The following SH3TC2 variants were observed in gnomAD, a reference collection of about 807,000 sequenced individuals.
The protein encoded by SH3TC2 is SH3 domain and tetratricopeptide repeats 2, also known as SH3 domain and tetratricopeptide repeat-containing protein 2.
SH3TC2 carries 87 observed loss-of-function variants against 124.5 expected under a neutral mutation model. That is an observed-to-expected ratio of 0.70 (90% CI 0.59 to 0.84). SH3TC2 has a LOEUF of 0.84. Among genes scored for constraint, SH3TC2 ranks in the 40% least tolerant of loss-of-function variants. The pLI, the probability that SH3TC2 is intolerant of heterozygous loss-of-function variation, is 0.00. For missense variants in SH3TC2, 1,536 were observed against 1,566.4 expected (o/e 0.98, Z 0.33); for synonymous variants, 634 against 628.5 (o/e 1.01, Z -0.13).
rs886060170 is a variant in SH3TC2, at chr5:148,999,406, G to T, written c.*5305C>A. ...AAGAAACAGATTCTAACCTAAGTAT[G>T]CCCAACTCCAAAACACATTACATTG... On this transcript the variant is annotated 3_prime_UTR_variant, in exon 17 of 17. Coordinates refer to ENST00000515425, the MANE Select transcript of SH3TC2 (RefSeq NM_024577.4). Among the ~76,000 whole-genome samples the T allele has an allele frequency of 2.0e-5, 3 of 152,196 alleles. No individual in the cohort carries two copies. Among genetic ancestry groups the T allele is most frequent in the African/African-American group, 7.2e-5 (3 of 41,450 alleles).
rs1200054855 is a variant in SH3TC2, at chr5:148,988,689, G to C, written c.*16022C>G. 6.6e-6 allele frequency among the ~76,000 whole-genome samples: 1 copy of C among 152,178 alleles called. No homozygotes were observed. Among genetic ancestry groups the C allele is most frequent in the Non-Finnish European group, 1.5e-5 (1 of 68,026 alleles). On this transcript the variant is annotated 3_prime_UTR_variant, in exon 17 of 17. Coordinates refer to ENST00000515425, the MANE Select transcript of SH3TC2 (RefSeq NM_024577.4). The stretch of plus-strand genomic sequence containing the variant: ...CCCAGAGGAGCCTTTGATGACTCCA[G>C]CTCTGGCCACTATTGGACTGCAACA...
chr5:149,012,606 TC>T lies in SH3TC2; in HGVS notation c.3181del (p.Glu1061SerfsTer15). On this transcript the variant is annotated frameshift_variant, in exon 13 of 17. Transcript: ENST00000515425. LOFTEE classifies it high-confidence loss of function. Reference sequence around the variant, plus strand: ...TACCTGCAGGCACAGCTCCACCAGCTCGTCTTCCTGCATGAGGTAGTGGAGT... The same window carrying T: ...TACCTGCAGGCACAGCTCCACCAGCTGTCTTCCTGCATGAGGTAGTGGAGT... ...GRLHYLMQED[E>X]LVELCLQAAI... 6.2e-7 allele frequency: 1 copy of T among 1,614,090 alleles called. No individual in the cohort carries two copies. Among genetic ancestry groups the T allele is most frequent in the Non-Finnish European group, 8.5e-7 (1 of 1,180,004 alleles).
chr5:149,012,444 A>G (rs1399271879), intron 13 of SH3TC2, 140 bp downstream of exon 13: 1 of 1,100,950 alleles, frequency 9.1e-7, no homozygotes, highest in African/African-American at 1.5e-5. Context: ...TTCAGGGAGC[A>G]GCCCAGTGTT....
In SH3TC2 at chr5:149,028,685, T is replaced by C. The variant is rs1172369490; in HGVS notation, c.1169A>G (p.Asp390Gly). 5 of 1,613,994 alleles carry C rather than the reference T, an allele frequency of 3.1e-6. No individual in the cohort carries two copies. Among genetic ancestry groups the C allele is most frequent in the Non-Finnish European group, 4.2e-6 (5 of 1,180,026 alleles). Residue 390 changes from aspartate to glycine, a missense_variant, in exon 10 of 17, where the codon GAT becomes GGT. By Grantham distance (94) the Asp-to-Gly change is moderately conservative. Coordinates refer to ENST00000515425, the MANE Select transcript of SH3TC2 (RefSeq NM_024577.4). ...GFESIQNPPN[D>G]LSASQPEGFK... Reference sequence around the variant, plus strand: ...GCATGATCGCTACTCACCACTCAGATCATTTGGAGGATTCTGGATGGATTC... The same window carrying C: ...GCATGATCGCTACTCACCACTCAGACCATTTGGAGGATTCTGGATGGATTC...
In SH3TC2 at chr5:149,004,882, C is replaced by T. The variant is rs768501036; in HGVS notation, c.3696G>A (p.Glu1232=). The T allele has an allele frequency of 2.5e-6, 4 of 1,614,226 alleles. No homozygotes were observed. The highest frequency in any genetic ancestry group is 3.4e-6 in the Non-Finnish European group (4 of 1,180,036). The change falls in exon 17 of 17, where the codon GAG becomes GAA. Residue 1232 remains glutamate (E), a synonymous_variant. Transcript: ENST00000515425. Reference sequence around the variant, plus strand: ...CTGCTGCCAGGGCCAGAAGGAAGTACTCAGTGGCATCATGGGCATCCTAAC... The same window carrying T: ...CTGCTGCCAGGGCCAGAAGGAAGTATTCAGTGGCATCATGGGCATCCTAAC... ...CQLKDAHDAT[E]YFLLALAAAV... is the part of the protein sequence containing the mutation.
intron 2 of SH3TC2, among the ~76,000 whole-genome samples, chr5:149,051,112 T>C (rs1018693702): frequency 2.0e-5 from 3 of 152,238 alleles, no homozygotes; most frequent in Non-Finnish European, 2.9e-5. Context: ...TCTACAGGTT[T>C]GTCCTCAGAG....
rs78516040 is a variant in SH3TC2 at position 148,991,197 on chromosome 5, T to C, written c.*13514A>G. On this transcript the variant is annotated 3_prime_UTR_variant, in exon 17 of 17. Coordinates refer to ENST00000515425, the MANE Select transcript of SH3TC2 (RefSeq NM_024577.4). ...GAAATTAACATATGTAGAGGACTTT[T>C]TCTTCTCTATACAAAAGCTTTTACC... Among the ~76,000 whole-genome samples, 683 of 152,316 alleles carry C rather than the reference T, an allele frequency of 4.5e-3. 6 individuals carry two copies. Among genetic ancestry groups the C allele is most frequent in the African/African-American group, 0.016 (667 of 41,546 alleles).
Position 149,031,551 on chromosome 5 carries a change from C to T in SH3TC2, c.1135+3G>A, listed in dbSNP as rs1064793267. On this transcript the variant is annotated splice_donor_region_variant and intron_variant, in intron 9 of 16. Coordinates refer to ENST00000515425, the MANE Select transcript of SH3TC2 (RefSeq NM_024577.4). The stretch of plus-strand genomic sequence containing the variant: ...TTGAAGGTGTCTGAGGACCAACACT[C>T]ACTGAGCCGGTAGACAGATGTGATG... The T allele has an allele frequency of 6.2e-7, 1 of 1,614,134 alleles. No individual in the cohort carries two copies. Among genetic ancestry groups the T allele is most frequent in the Non-Finnish European group, 8.5e-7 (1 of 1,180,026 alleles).
rs1025506683 is a variant in SH3TC2 at position 148,991,942 on chromosome 5, C to T, written c.*12769G>A. ...CTTTCCTGGTGTCTAAGGGGAGTGT[C>T]AGAGAGCAACCCTAACATGTGTTGG... On this transcript the variant is annotated 3_prime_UTR_variant, in exon 17 of 17. Transcript: ENST00000515425. 6.6e-6 allele frequency among the ~76,000 whole-genome samples: 1 copy of T among 152,194 alleles called. No homozygotes were observed. Among genetic ancestry groups the T allele is most frequent in the Non-Finnish European group, 1.5e-5 (1 of 68,038 alleles).
In SH3TC2 at chr5:149,028,684, A is replaced by G; in HGVS notation, c.1170T>C (p.Asp390=). 1 of 1,614,168 alleles carries G rather than the reference A, an allele frequency of 6.2e-7. No homozygotes were observed. Among genetic ancestry groups the G allele is most frequent in the South Asian group, 1.1e-5 (1 of 91,084 alleles). Residue 390 remains aspartate (D), a synonymous_variant, in exon 10 of 17, where the codon GAT becomes GAC. Coordinates refer to ENST00000515425, the MANE Select transcript of SH3TC2 (RefSeq NM_024577.4). ...GFESIQNPPN[D]LSASQPEGFK... is the part of the protein sequence containing the mutation. ...AGCATGATCGCTACTCACCACTCAGATCATTTGGAGGATTCTGGATGGATT... is the reference window on the plus strand; with the variant it reads ...AGCATGATCGCTACTCACCACTCAGGTCATTTGGAGGATTCTGGATGGATT...
At position 148,998,662 on chromosome 5, in the gene SH3TC2, C is replaced by G. The variant is rs1457897973; in HGVS notation, c.*6049G>C. Reference sequence around the variant, plus strand: ...GCCCCACTGTGCAGTCCTGGCCACGCAAGTTATTCTTGATCCTGCACCATG... The same window carrying G: ...GCCCCACTGTGCAGTCCTGGCCACGGAAGTTATTCTTGATCCTGCACCATG... On this transcript the variant is annotated 3_prime_UTR_variant, in exon 17 of 17. Transcript: ENST00000515425. 6.6e-6 allele frequency among the ~76,000 whole-genome samples: 1 copy of G among 152,194 alleles called. No individual in the cohort carries two copies. The highest frequency in any genetic ancestry group is 1.5e-5 in the Non-Finnish European group (1 of 68,032).
chr5:149,003,756 C>G lies in SH3TC2; in HGVS notation c.*955G>C. The G allele has an allele frequency of 2.2e-6, 1 of 447,478 alleles. No individual in the cohort carries two copies. The highest frequency in any genetic ancestry group is 4.5e-6 in the Non-Finnish European group (1 of 224,174). 27.7% of individuals were successfully genotyped at this position (447,478 alleles called of 1,614,324 possible). A position where few individuals can be genotyped will look rare whatever the true frequency, so the allele number is the denominator to read the frequency against. On this transcript the variant is annotated 3_prime_UTR_variant, in exon 17 of 17. Transcript: ENST00000515425. ...GTTCCAGCTACTCAGGAGGTTGACA[C>G]TGGAGGATCACTTGAGCCCCGGAGT...
In SH3TC2 at chr5:148,983,972, A is replaced by G. The variant is rs888494103; in HGVS notation, c.*20739T>C. On this transcript the variant is annotated 3_prime_UTR_variant, in exon 17 of 17. Coordinates refer to ENST00000515425, the MANE Select transcript of SH3TC2 (RefSeq NM_024577.4). ...GTGTGGTTTTTAAGTCACTTGAACC[A>G]ATACATTTTTTTAAAATTACTTAAG... Among the ~76,000 whole-genome samples, 3 of 152,168 alleles carry G rather than the reference A, an allele frequency of 2.0e-5. No homozygotes were observed. Among genetic ancestry groups the G allele is most frequent in the Admixed American group, 2.0e-4 (3 of 15,268 alleles).
At chr5:149,058,435 A>C (rs1230353628) in intron 1 of SH3TC2, among the ~76,000 whole-genome samples, 1 of 152,172 alleles carries the variant, frequency 6.6e-6, no homozygotes, top group Non-Finnish European at 1.5e-5. Context: ...CATTTCCCTA[A>C]TGACTTACGA....
intron 12 of SH3TC2, among the ~76,000 whole-genome samples, chr5:149,018,938 C>T (rs1753922893): frequency 6.6e-6 from 1 of 152,334 alleles, no homozygotes; most frequent in South Asian, 2.1e-4. Flanking sequence ...TGTCTCCTTT[C>T]CCTACAAACC....
intron 3 of SH3TC2, chr5:149,046,223 G>A (rs2127401881): frequency 6.4e-6 from 1 of 155,912 alleles, no homozygotes; most frequent in East Asian, 1.9e-4. Flanking sequence ...CAAACCCCAG[G>A]AGGCCCCAGA....
At chr5:149,038,240 G>A (rs1754314918) in intron 8 of SH3TC2, 55 bp downstream of exon 8, 2 of 1,582,840 alleles carry the variant, frequency 1.3e-6, no homozygotes, top group East Asian at 2.2e-5. Context: ...AAAGAGGGGA[G>A]GGAACCCTGG....
At chr5:149,010,196 G>A in intron 14 of SH3TC2, 74 bp downstream of exon 14, 1 of 1,608,372 alleles carries the variant, frequency 6.2e-7, no homozygotes, top group Non-Finnish European at 8.5e-7. Flanking sequence ...GAGGGACTCA[G>A]GCCGAAGTCC....
Position 149,003,849 on chromosome 5 carries a change from CAAAAAAAAAAAAA to C in SH3TC2, c.*849_*861del, listed in dbSNP as rs5872107. The C allele has an allele frequency of 6.3e-6, 1 of 158,954 alleles. No homozygotes were observed. Among genetic ancestry groups the C allele is most frequent in the Non-Finnish European group, 1.2e-5 (1 of 83,744 alleles). 9.8% of individuals were successfully genotyped at this position (158,954 alleles called of 1,614,324 possible). A position where few individuals can be genotyped will look rare whatever the true frequency, so the allele number is the denominator to read the frequency against. On this transcript the variant is annotated 3_prime_UTR_variant, in exon 17 of 17. Coordinates refer to ENST00000515425, the MANE Select transcript of SH3TC2 (RefSeq NM_024577.4). ...CTGGGCAACAGAGGAGAAACTGTCT[CAAAAAAAAAAAAA>C]AAAAAAAAAGACATGTATTGGTATT...
Sources: allele counts gnomAD v4.1 joint callset (sites outside exome capture counted in the v4.1 genomes callset), GRCh38; gene constraint gnomAD v4.1.1; transcripts MANE v1.5; gene names NCBI Gene and HGNC (gene_info 2026-07-23, HGNC 2026-07-21).